Variants in NLRP11 observed in about 807,000 individuals in gnomAD.
NLRP11 encodes NLR family pyrin domain containing 11.
A neutral mutation model predicts 79.3 loss-of-function variants in NLRP11; 53 were observed. That is an observed-to-expected ratio of 0.67 (90% confidence interval 0.54 to 0.84). The LOEUF is 0.84. Ranked by LOEUF, NLRP11 falls within the 40% of genes least tolerant of loss-of-function variation. NLRP11 has a pLI of 0.00. For synonymous variants in NLRP11, 518 were observed against 462.6 expected (o/e 1.12, Z -1.54); for missense variants, 1,264 against 1,255.0 (o/e 1.01, Z -0.11).
upstream of NLRP11, among the ~76,000 whole-genome samples, chr19:55,835,098 G>A (rs140406247): frequency 3.5e-3 from 536 of 152,148 alleles, 2 homozygotes; most frequent in African/African-American, 0.013. Flanking sequence ...TTGTGTTATG[G>A]TTACAGTAAT....
chr19:55,807,855 G>C (rs771258662), exon 4 of NLRP11: 4 of 1,605,758 alleles, frequency 2.5e-6, no homozygotes, highest in East Asian at 2.2e-5. Context: ...GTACTTACTT[G>C]AGTGTGCGAA....
intron 1 of NLRP11, among the ~76,000 whole-genome samples, chr19:55,823,188 C>T (rs1448550850): frequency 2.1e-5 from 3 of 144,354 alleles, no homozygotes; most frequent in Non-Finnish European, 3.0e-5. Flanking sequence ...TCCAACAGAC[C>T]TGCAGCTGAG....
intron 1 of NLRP11, among the ~76,000 whole-genome samples, chr19:55,829,967 T>C (rs570081710): frequency 8.3e-4 from 126 of 152,218 alleles, no homozygotes; most frequent in Non-Finnish European, 1.5e-3. Flanking sequence ...ATGACATATC[T>C]GACTTTAATT....
At chr19:55,800,080 G>A (rs573213132) in intron 5 of NLRP11, among the ~76,000 whole-genome samples, 1 of 152,284 alleles carries the variant, frequency 6.6e-6, no homozygotes, top group South Asian at 2.1e-4. Flanking sequence ...GGGAAGATTT[G>A]CTTACAAGAC....
chr19:55,785,492 GT>G, exon 10 of NLRP11: 1 of 652,306 alleles, frequency 1.5e-6, no homozygotes, highest in Non-Finnish European at 2.5e-6. Context: ...CTGGATCAAG[GT>G]CACACACACA....
chr19:55,789,286 C>T (rs750672577), exon 8 of NLRP11: 1 of 1,614,150 alleles, frequency 6.2e-7, no homozygotes, highest in Non-Finnish European at 8.5e-7. Flanking sequence ...CAGCTGCATT[C>T]CTGCATCTTC....
At position 55,809,590 on chromosome 19, in the gene NLRP11, G is replaced by A. The variant is rs755638021; in HGVS notation, c.1020C>T (p.Ile340=). 1 of 1,614,232 alleles carries A rather than the reference G, an allele frequency of 6.2e-7. No individual in the cohort carries two copies. The highest frequency in any genetic ancestry group is 8.5e-7 in the Non-Finnish European group (1 of 1,180,046). The change falls in exon 3 of 10, where the codon ATC becomes ATT. Residue 340 remains isoleucine (I), a synonymous_variant. Transcript: ENST00000589093. This position sits in a 1 kb window ranked among gnomAD's most constrained non-coding sequence, Gnocchi z 4.5. ...GGACAGTACACGTGATCCAGCATAAGATGGCGACTCGGCACAGACCCACGA... is the reference window on the plus strand; with the variant it reads ...GGACAGTACACGTGATCCAGCATAAAATGGCGACTCGGCACAGACCCACGA...
At chr19:55,812,321 GCA>G (rs1286243297) in intron 2 of NLRP11, among the ~76,000 whole-genome samples, 1 of 152,078 alleles carries the variant, frequency 6.6e-6, no homozygotes, top group Non-Finnish European at 1.5e-5. Context: ...ATGGCAGATG[GCA>G]CACACAGAAG....
chr19:55,807,860 T>C, exon 4 of NLRP11: 1 of 1,609,168 alleles, frequency 6.2e-7, no homozygotes, highest in Non-Finnish European at 8.5e-7. Flanking sequence ...TACTTGAGTG[T>C]GCGAAGTTTA....
chr19:55,817,516 C>A (rs1203567033), intron 2 of NLRP11, among the ~76,000 whole-genome samples: 1 of 152,034 alleles, frequency 6.6e-6, no homozygotes, highest in Non-Finnish European at 1.5e-5. Context: ...GAAATAATAG[C>A]ATTTGCAGCA....
chr19:55,798,564 T>C (rs150772044), intron 5 of NLRP11, among the ~76,000 whole-genome samples: 200 of 152,208 alleles, frequency 1.3e-3, no homozygotes, highest in African/African-American at 4.3e-3. Flanking sequence ...TATGAGGTAC[T>C]AGGCTTAGTA....
chr19:55,832,442 A>G (rs1213033490), upstream of NLRP11, among the ~76,000 whole-genome samples: 2 of 152,222 alleles, frequency 1.3e-5, no homozygotes. Flanking sequence ...AACCAAAGGC[A>G]TGTTTAACAG....
chr19:55,820,404 G>C (rs1216408404), intron 1 of NLRP11, among the ~76,000 whole-genome samples: 2 of 152,122 alleles, frequency 1.3e-5, no homozygotes, highest in Non-Finnish European at 2.9e-5. Context: ...GAGGACAGAT[G>C]AAAGGCCACC....
chr19:55,802,377 C>T (rs113744735), intron 4 of NLRP11, among the ~76,000 whole-genome samples: 16 of 152,162 alleles, frequency 1.1e-4, no homozygotes, highest in Admixed American at 3.9e-4. Flanking sequence ...TATACACCAA[C>T]GACAGCCAAG....
At chr19:55,808,479 C>A (rs1277907012) in intron 3 of NLRP11, among the ~76,000 whole-genome samples, 1 of 152,084 alleles carries the variant, frequency 6.6e-6, no homozygotes, top group East Asian at 1.9e-4. Flanking sequence ...GAAAAGGGGA[C>A]CCTACTGGCC....
Position 55,831,803 on chromosome 19 carries a change from G to A in NLRP11, c.-63+160C>T, listed in dbSNP as rs373417546. ...AATTTACTCATGTGAACTTGAAAAA[G>A]GTAACAGAGCTTGGCCTGCCCTTAG... On this transcript the variant is annotated intron_variant, in intron 1 of 9. Coordinates refer to ENST00000589093, the Ensembl canonical transcript of NLRP11. 2.0e-3 allele frequency among the ~76,000 whole-genome samples: 304 copies of A among 149,598 alleles called. 1 individual carries two copies. Among genetic ancestry groups the A allele is most frequent in the South Asian group, 7.8e-3 (37 of 4,772 alleles).
At chr19:55,788,604 G>A (rs914893820) in intron 9 of NLRP11, among the ~76,000 whole-genome samples, 9 of 151,712 alleles carry the variant, frequency 5.9e-5, no homozygotes, top group African/African-American at 2.2e-4. Context: ...GCCAGGTGTG[G>A]TGGTGGGTGC....
chr19:55,801,548 G>A (rs1979478030), intron 5 of NLRP11, 24 bp downstream of exon 5: 2 of 1,609,372 alleles, frequency 1.2e-6, no homozygotes, highest in South Asian at 1.1e-5. Flanking sequence ...CATGCACTGA[G>A]CTTTCAGCCG....
intron 2 of NLRP11, among the ~76,000 whole-genome samples, chr19:55,814,710 T>C (rs538365114): frequency 6.6e-6 from 1 of 152,318 alleles, no homozygotes; most frequent in East Asian, 1.9e-4. Flanking sequence ...TTAGAGAAGA[T>C]GGTAGACCAG....
Sources: allele counts gnomAD v4.1 joint callset (sites outside exome capture counted in the v4.1 genomes callset), GRCh38; gene constraint gnomAD v4.1.1; non-coding constraint Gnocchi (gnomAD v3.1); transcripts MANE v1.5; gene names NCBI Gene and HGNC (gene_info 2026-07-23, HGNC 2026-07-21).